Variants in TYR observed in about 807,000 individuals in gnomAD.
TYR encodes the protein tyrosinase, also known as LB24-AB.
TYR carries 58 observed loss-of-function variants against 51.5 expected under a neutral mutation model. That is an observed-to-expected ratio of 1.13 (90% confidence interval 0.91 to 1.40). The LOEUF (loss-of-function observed/expected upper bound fraction) is 1.40, where lower values mean the gene tolerates loss of function less well. Ranked by LOEUF, TYR falls within the 40% of genes most tolerant of loss-of-function variation. The pLI, the probability that TYR is intolerant of heterozygous loss-of-function variation, is 0.00. For synonymous variants in TYR, 263 were observed against 235.2 expected (o/e 1.12, Z -1.08); for missense variants, 732 against 647.4 (o/e 1.13, Z -1.42).
chr11:89,263,896 A>G (rs2135309180), intron 3 of TYR, among the ~76,000 whole-genome samples: 1 of 152,188 alleles, frequency 6.6e-6, no homozygotes, highest in African/African-American at 2.4e-5. Context: ...AGACTTAACT[A>G]TCATTAACAT....
intron 3 of TYR, among the ~76,000 whole-genome samples, chr11:89,279,515 A>G (rs1486307535): frequency 6.6e-6 from 1 of 151,736 alleles, no homozygotes; most frequent in African/African-American, 2.4e-5. Context: ...GGCCATAAGC[A>G]TAAAATCTAA....
intron 2 of TYR, among the ~76,000 whole-genome samples, chr11:89,205,480 C>A (rs1041718374): frequency 1.3e-5 from 2 of 151,932 alleles, no homozygotes; most frequent in Non-Finnish European, 2.9e-5. Flanking sequence ...AAAACTAAAA[C>A]AAATATTCAA....
intron 2 of TYR, among the ~76,000 whole-genome samples, chr11:89,202,777 A>G (rs1045058308): frequency 6.6e-6 from 1 of 152,132 alleles, no homozygotes; most frequent in African/African-American, 2.4e-5. Flanking sequence ...TTAAGATGTA[A>G]TAATTAATGG....
intron 3 of TYR, among the ~76,000 whole-genome samples, chr11:89,261,923 G>A (rs1236457121): frequency 1.3e-5 from 2 of 151,790 alleles, no homozygotes; most frequent in South Asian, 2.1e-4. Context: ...GAATATATGG[G>A]GAAATTAAGC....
intron 3 of TYR, among the ~76,000 whole-genome samples, chr11:89,255,413 TAAATA>T (rs980062316): frequency 2.0e-5 from 3 of 151,602 alleles, no homozygotes; most frequent in African/African-American, 7.2e-5. Context: ...ATAAATTAAA[TAAATA>T]AAATAAAATA....
At chr11:89,208,227 G>A (rs1167106210) in intron 2 of TYR, among the ~76,000 whole-genome samples, 5 of 152,150 alleles carry the variant, frequency 3.3e-5, no homozygotes, top group African/African-American at 7.2e-5. Flanking sequence ...TGGAGATCGC[G>A]CCATGGCACT....
In TYR at chr11:89,253,857, ATT is replaced by A. The variant is rs755796572; in HGVS notation, c.1184+25888_1184+25889del. Among the ~76,000 whole-genome samples, 315 of 151,902 alleles carry A rather than the reference ATT, an allele frequency of 2.1e-3. 1 individual carries two copies. Among genetic ancestry groups the A allele is most frequent in the Non-Finnish European group, 3.6e-3 (242 of 67,820 alleles). ...GATTGCTCTGGCTAGGACTTCCAGT[ATT>A]ATGTTGAATGGAAGGGCGAGAGTGG... On this transcript the variant is annotated intron_variant, in intron 3 of 4. Transcript: ENST00000263321.
intron 3 of TYR, among the ~76,000 whole-genome samples, chr11:89,273,389 G>A (rs1944613235): frequency 6.6e-6 from 1 of 151,826 alleles, no homozygotes; most frequent in South Asian, 2.1e-4. Flanking sequence ...CGTGAGGGAA[G>A]GAGGATGGCT....
chr11:89,202,839 T>C (rs2000553), intron 2 of TYR, among the ~76,000 whole-genome samples: 75,976 of 151,902 alleles, frequency 0.5, 21,570 homozygotes, highest in African/African-American at 0.79. Flanking sequence ...TAAAAACTCG[T>C]TATTTCATGG....
intron 2 of TYR, among the ~76,000 whole-genome samples, chr11:89,197,739 G>GTCAGTC (rs1943540268): frequency 6.6e-6 from 1 of 151,908 alleles, no homozygotes; most frequent in African/African-American, 2.4e-5. Context: ...CTCGGTGACT[G>GTCAGTC]ACTGTAAGGC....
At chr11:89,269,312 A>G (rs1162510152) in intron 3 of TYR, among the ~76,000 whole-genome samples, 2 of 151,904 alleles carry the variant, frequency 1.3e-5, no homozygotes, top group Admixed American at 6.6e-5. Context: ...GTCTGTTAGG[A>G]GACATTTTCT....
At chr11:89,260,677 G>A (rs1944446946) in intron 3 of TYR, among the ~76,000 whole-genome samples, 1 of 152,114 alleles carries the variant, frequency 6.6e-6, no homozygotes, top group South Asian at 2.1e-4. Context: ...AATGCTCTTT[G>A]AGTTTGTAAC....
At chr11:89,285,250 T>C (rs1248876678) in intron 4 of TYR, among the ~76,000 whole-genome samples, 2 of 151,844 alleles carry the variant, frequency 1.3e-5, no homozygotes, top group African/African-American at 2.4e-5. Context: ...ATCAACTGAC[T>C]GTAAGGTGAC....
At chr11:89,228,101 C>T in intron 3 of TYR, 131 bp downstream of exon 3, 2 of 1,039,646 alleles carry the variant, frequency 1.9e-6, no homozygotes, top group South Asian at 1.4e-5. Context: ...CAGGTTGTCA[C>T]CAAAACAGAC....
intron 2 of TYR, among the ~76,000 whole-genome samples, chr11:89,210,740 G>A (rs1056193211): frequency 6.6e-6 from 1 of 152,176 alleles, no homozygotes; most frequent in South Asian, 2.1e-4. Context: ...ACCCACAAAG[G>A]GAAGCCCATC....
chr11:89,194,254 A>T (rs958744950), intron 2 of TYR, among the ~76,000 whole-genome samples: 1 of 152,088 alleles, frequency 6.6e-6, no homozygotes, highest in African/African-American at 2.4e-5. Flanking sequence ...TTTTTAATAG[A>T]ACATTCTTCA....
intron 1 of TYR, among the ~76,000 whole-genome samples, chr11:89,187,279 C>T (rs1943387381): frequency 1.3e-5 from 2 of 152,078 alleles, no homozygotes; most frequent in Admixed American, 6.5e-5. Context: ...ACAATATTTA[C>T]AGGTAAGACA....
chr11:89,256,317 A>T (rs1944390740), intron 3 of TYR, among the ~76,000 whole-genome samples: 1 of 151,832 alleles, frequency 6.6e-6, no homozygotes, highest in South Asian at 2.1e-4. Context: ...CCTATGTCAT[A>T]TGCCTTCAAT....
chr11:89,238,441 T>A (rs996244228), intron 3 of TYR, among the ~76,000 whole-genome samples: 2 of 152,180 alleles, frequency 1.3e-5, no homozygotes, highest in Non-Finnish European at 2.9e-5. Context: ...CTTGTTTTTG[T>A]ATCCTGTAAC....
Sources: allele counts gnomAD v4.1 joint callset (sites outside exome capture counted in the v4.1 genomes callset), GRCh38; gene constraint gnomAD v4.1.1; transcripts MANE v1.5; gene names NCBI Gene and HGNC (gene_info 2026-07-23, HGNC 2026-07-21).